The following USP32 variants were observed in gnomAD, a reference collection of about 807,000 sequenced individuals.
USP32 encodes the protein ubiquitin carboxyl-terminal hydrolase 32.
Under a neutral mutation model 204.8 loss-of-function variants are expected in USP32, and 59 were observed. The observed-to-expected ratio is 0.29, with a 90% CI of 0.23 to 0.36. The LOEUF is 0.36. Ranked by LOEUF, USP32 falls within the 10% of genes least tolerant of loss-of-function variation. The probability of loss-of-function intolerance (pLI) is 1.00; values close to 1 mark genes in which losing one functional copy is unlikely to be tolerated. For missense variants in USP32, 1,160 were observed against 1,946.4 expected (o/e 0.60, Z 7.60); for synonymous variants, 517 against 678.4 (o/e 0.76, Z 3.70).
In USP32 at chr17:60,265,957, A is replaced by G; in HGVS notation, c.927+19T>C. The G allele has an allele frequency of 6.3e-7, 1 of 1,583,046 alleles. No homozygotes were observed. Among genetic ancestry groups the G allele is most frequent in the Non-Finnish European group, 8.7e-7 (1 of 1,153,266 alleles). On this transcript the variant is annotated intron_variant, in intron 8 of 33. Coordinates refer to ENST00000300896, the MANE Select transcript of USP32 (RefSeq NM_032582.4). ...ATTGGAAGTTTATACGCAACAAGACATACACAATCATAACTTACAGGAATA... is the reference window on the plus strand; with the variant it reads ...ATTGGAAGTTTATACGCAACAAGACGTACACAATCATAACTTACAGGAATA...
chr17:60,234,620 C>T (rs1372367427), intron 12 of USP32, among the ~76,000 whole-genome samples: 1 of 151,534 alleles, frequency 6.6e-6, no homozygotes, highest in Non-Finnish European at 1.5e-5. Flanking sequence ...GTCCCAGCTA[C>T]TCGGGAGGCT....
intron 1 of USP32, among the ~76,000 whole-genome samples, chr17:60,375,711 C>T (rs1427931761): frequency 1.3e-5 from 2 of 152,032 alleles, no homozygotes; most frequent in Non-Finnish European, 2.9e-5. Context: ...TCAAGTGAGT[C>T]TCCTGCCTCA....
chr17:60,338,004 T>G (rs1288521645), intron 2 of USP32, among the ~76,000 whole-genome samples: 1 of 152,118 alleles, frequency 6.6e-6, no homozygotes, highest in Non-Finnish European at 1.5e-5. Flanking sequence ...GAGTTTAGGA[T>G]AAGAGAAAAA....
chr17:60,266,129 T>G, intron 7 of USP32, 38 bp from the exon 8 acceptor site: 2 of 1,513,482 alleles, frequency 1.3e-6, no homozygotes, highest in Non-Finnish European at 1.8e-6. Context: ...AAATCATTTT[T>G]GTATTCTGAG....
At chr17:60,393,044 C>T (rs887483006), upstream of USP32, among the ~76,000 whole-genome samples, 1 of 152,100 alleles carries the variant, frequency 6.6e-6, no homozygotes. Flanking sequence ...TATTGTTTTG[C>T]ATCCATTGCC....
At position 60,256,710 on chromosome 17, in the gene USP32, T is replaced by C. The variant is rs1033866988; in HGVS notation, c.991-1452A>G. 3 of 1,136,622 alleles carry C rather than the reference T, an allele frequency of 2.6e-6. No homozygotes were observed. The African/African-American group carries it at 5.0e-5, about 19-fold the overall frequency. The allele number at this position is 1,136,622 out of a possible 1,614,324, so 70.4% of individuals were successfully genotyped here. On this transcript the variant is annotated intron_variant, in intron 9 of 33. Coordinates refer to ENST00000300896, the MANE Select transcript of USP32 (RefSeq NM_032582.4). ...CTGTGAGGAAAGGAACATCAATGCCTGCACCACGGCAACAGAAGAACTTCA... is the reference window on the plus strand; with the variant it reads ...CTGTGAGGAAAGGAACATCAATGCCCGCACCACGGCAACAGAAGAACTTCA...
intron 16 of USP32, among the ~76,000 whole-genome samples, chr17:60,215,864 G>C (rs935172516): frequency 2.7e-4 from 41 of 152,050 alleles, no homozygotes; most frequent in African/African-American, 9.9e-4. Flanking sequence ...AGTGATCCTC[G>C]CACTTTAGCT....
intron 1 of USP32, among the ~76,000 whole-genome samples, chr17:60,411,076 C>T (rs143894362): frequency 0.015 from 2,235 of 151,978 alleles, 31 homozygotes; most frequent in Non-Finnish European, 0.023. Flanking sequence ...CACCTGTAAT[C>T]TCAGCACTTT....
intron 2 of USP32, among the ~76,000 whole-genome samples, chr17:60,316,480 C>T (rs1002094411): frequency 1.3e-5 from 2 of 152,178 alleles, no homozygotes; most frequent in Admixed American, 1.3e-4. Flanking sequence ...GAGCACGTTT[C>T]CGCAGTTCAA....
intron 1 of USP32, among the ~76,000 whole-genome samples, chr17:60,386,457 AAC>A (rs1433261847): frequency 6.6e-6 from 1 of 152,190 alleles, no homozygotes; most frequent in Admixed American, 6.5e-5. Context: ...GTGCTGCAAA[AAC>A]AGATTTTTCT....
chr17:60,252,493 A>T, intron 10 of USP32, 51 bp from the exon 11 acceptor site: 2 of 1,397,892 alleles, frequency 1.4e-6, no homozygotes, highest in South Asian at 1.3e-5. Flanking sequence ...AATATTTCAC[A>T]TTATCTGCAT....
chr17:60,406,627 T>C (rs1206780499), intron 1 of USP32, among the ~76,000 whole-genome samples: 2 of 152,068 alleles, frequency 1.3e-5, no homozygotes. Flanking sequence ...GCGATTCTCC[T>C]GCCTCAGCCT....
chr17:60,239,620 T>C (rs897012194), intron 11 of USP32, among the ~76,000 whole-genome samples: 1 of 152,240 alleles, frequency 6.6e-6, no homozygotes, highest in Non-Finnish European at 1.5e-5. Context: ...AGATTTCTCA[T>C]TTCAGTTATT....
At chr17:60,413,171 G>C (rs941323319) in intron 1 of USP32, among the ~76,000 whole-genome samples, 1 of 152,206 alleles carries the variant, frequency 6.6e-6, no homozygotes, top group African/African-American at 2.4e-5. Flanking sequence ...AGGAGTTGGA[G>C]AGATGCTCAT....
intron 2 of USP32, among the ~76,000 whole-genome samples, chr17:60,341,884 A>G (rs1273446374): frequency 6.6e-6 from 1 of 152,178 alleles, no homozygotes; most frequent in Non-Finnish European, 1.5e-5. Context: ...GTTATTACCA[A>G]CCTTCTGAAG....
chr17:60,304,544 T>A (rs900741384), intron 2 of USP32, among the ~76,000 whole-genome samples: 13 of 152,158 alleles, frequency 8.5e-5, no homozygotes, highest in African/African-American at 3.1e-4. Flanking sequence ...TTATTTTTAA[T>A]CACTGTGAAA....
intron 1 of USP32, among the ~76,000 whole-genome samples, chr17:60,365,879 C>T (rs2089301033): frequency 6.6e-6 from 1 of 152,212 alleles, no homozygotes. Context: ...AAAGTGTCAA[C>T]TCCAAACTGA....
intron 26 of USP32, among the ~76,000 whole-genome samples, chr17:60,199,148 A>G (rs78232094): frequency 1.9e-5 from 2 of 105,396 alleles, no homozygotes; most frequent in Non-Finnish European, 1.6e-5. Context: ...TGCCAGTGGA[A>G]AAAAAAAAAA....
intron 1 of USP32, among the ~76,000 whole-genome samples, chr17:60,383,765 A>G (rs1192925797): frequency 6.6e-6 from 1 of 152,252 alleles, no homozygotes; most frequent in African/African-American, 2.4e-5. Flanking sequence ...TAGTGTAGCT[A>G]GTGTACAGGA....
Sources: allele counts gnomAD v4.1 joint callset (sites outside exome capture counted in the v4.1 genomes callset), GRCh38; gene constraint gnomAD v4.1.1; transcripts MANE v1.5; gene names NCBI Gene and HGNC (gene_info 2026-07-23, HGNC 2026-07-21).